The following MEDAG variants were observed in gnomAD, a reference collection of about 807,000 sequenced individuals.
MEDAG encodes mesenteric estrogen-dependent adipogenesis protein.
A neutral mutation model predicts 29.9 loss-of-function variants in MEDAG; 25 were observed. That is an observed-to-expected ratio of 0.84 (90% CI 0.61 to 1.17). The LOEUF is 1.17. MEDAG is among the 50% of genes most tolerant of loss of function. MEDAG has a pLI of 0.00. For missense variants in MEDAG, 398 were observed against 372.9 expected (o/e 1.07, Z -0.56); for synonymous variants, 158 against 148.2 (o/e 1.07, Z -0.48).
At chr13:30,914,946 A>C (rs1040288253) in intron 1 of MEDAG, among the ~76,000 whole-genome samples, 2 of 152,216 alleles carry the variant, frequency 1.3e-5, no homozygotes, top group African/African-American at 2.4e-5. Context: ...CTCCCCGAGG[A>C]ATGTAGTAAA....
rs778604067 is a variant in MEDAG at position 30,921,143 on chromosome 13, T to C, written c.501+17T>C. ...CGGCTTCAGGTAAGCCTAGCCTGTC[T>C]GAATCCAGGGCTGTCAACCACATGG... On this transcript the variant is annotated intron_variant, in intron 3 of 4. Coordinates refer to ENST00000380482, the MANE Select transcript of MEDAG (RefSeq NM_032849.4). 1 of 1,596,916 alleles carries C rather than the reference T, an allele frequency of 6.3e-7. No homozygotes were observed. Among genetic ancestry groups the C allele is most frequent in the Non-Finnish European group, 8.6e-7 (1 of 1,166,216 alleles).
intron 1 of MEDAG, among the ~76,000 whole-genome samples, chr13:30,908,239 C>G (rs953178599): frequency 7.2e-5 from 11 of 152,214 alleles, no homozygotes; most frequent in Non-Finnish European, 1.0e-4. Context: ...ATTCCCCTGA[C>G]AGCTTTGAAT....
At chr13:30,920,369 C>T (rs1952970717) in intron 2 of MEDAG, among the ~76,000 whole-genome samples, 1 of 151,990 alleles carries the variant, frequency 6.6e-6, no homozygotes, top group Non-Finnish European at 1.5e-5. Flanking sequence ...GCAGATTGCG[C>T]AAGTTCAGGA....
chr13:30,911,075 G>A (rs187597038), intron 1 of MEDAG, among the ~76,000 whole-genome samples: 38 of 152,310 alleles, frequency 2.5e-4, no homozygotes, highest in Admixed American at 4.6e-4. Context: ...TGCTCTTTGC[G>A]AGCTGAATGA....
chr13:30,917,047 T>C (rs113683746), intron 1 of MEDAG, among the ~76,000 whole-genome samples: 81 of 152,352 alleles, frequency 5.3e-4, no homozygotes, highest in African/African-American at 1.9e-3. Context: ...CAGCTAATTC[T>C]ACTATTATGT....
intron 1 of MEDAG, among the ~76,000 whole-genome samples, chr13:30,915,332 C>T (rs149917096): frequency 1.5e-4 from 23 of 152,214 alleles, no homozygotes; most frequent in African/African-American, 5.3e-4. Context: ...GGTGTTTGGC[C>T]GCTGAATAGA....
In MEDAG at chr13:30,924,593, T is replaced by C. The variant is rs888717668; in HGVS notation, c.*158T>C. On this transcript the variant is annotated 3_prime_UTR_variant, in exon 5 of 5. Coordinates refer to ENST00000380482, the MANE Select transcript of MEDAG (RefSeq NM_032849.4). ...GGAGGACTCCTCTCTTCTGCTTCTGTGGATGTGATGCCCTGGCAGGCCCAG... is the reference window on the plus strand; with the variant it reads ...GGAGGACTCCTCTCTTCTGCTTCTGCGGATGTGATGCCCTGGCAGGCCCAG... 1.5e-6 allele frequency: 1 copy of C among 679,688 alleles called. No homozygotes were observed. The highest frequency in any genetic ancestry group is 2.3e-6 in the Non-Finnish European group (1 of 428,806). The allele number at this position is 679,688 out of a possible 1,614,324, so 42.1% of individuals were successfully genotyped here.
intron 1 of MEDAG, among the ~76,000 whole-genome samples, chr13:30,908,119 G>A (rs1952847213): frequency 6.6e-6 from 1 of 152,238 alleles, no homozygotes; most frequent in African/African-American, 2.4e-5. Context: ...GACAGAACCA[G>A]TTCTCCTAAT....
At chr13:30,921,470 A>C in intron 3 of MEDAG, 91 bp from the exon 4 acceptor site, 1 of 1,141,304 alleles carries the variant, frequency 8.8e-7, no homozygotes. Flanking sequence ...AAGAGGTGTG[A>C]TGTTTTGGAT....
chr13:30,917,533 A>G, intron 2 of MEDAG, 21 bp downstream of exon 2: 7 of 1,241,382 alleles, frequency 5.6e-6, no homozygotes, highest in Non-Finnish European at 8.3e-6. Flanking sequence ...ATATTAGTCC[A>G]TTTTCACACT....
intron 1 of MEDAG, among the ~76,000 whole-genome samples, chr13:30,911,924 G>A (rs1003481048): frequency 1.3e-5 from 2 of 152,136 alleles, no homozygotes; most frequent in African/African-American, 4.8e-5. Flanking sequence ...CACACTTTGA[G>A]CAAGAAGGTT....
At chr13:30,918,451 C>T (rs980104453) in intron 2 of MEDAG, among the ~76,000 whole-genome samples, 1 of 152,112 alleles carries the variant, frequency 6.6e-6, no homozygotes, top group Non-Finnish European at 1.5e-5. Flanking sequence ...ATTGTGGATG[C>T]TTTTCTGTTT....
In MEDAG at chr13:30,924,519, C is replaced by T; in HGVS notation, c.*84C>T. 7.4e-7 allele frequency: 1 copy of T among 1,351,816 alleles called. No homozygotes were observed. The highest frequency in any genetic ancestry group is 1.0e-6 in the Non-Finnish European group (1 of 993,538). 83.7% of individuals were successfully genotyped at this position (1,351,816 alleles called of 1,614,324 possible). On this transcript the variant is annotated 3_prime_UTR_variant, in exon 5 of 5. Transcript: ENST00000380482. ...TGGGGGGAGGGTAGGAGGTGGGAGG[C>T]AGATACTTCCACCTGCGTGTCAATC...
chr13:30,912,531 A>C lies in MEDAG; in HGVS notation c.279-4872A>C, dbSNP rs538150042. 2.4e-3 allele frequency among the ~76,000 whole-genome samples: 331 copies of C among 138,452 alleles called. 2 individuals are homozygous for C. The highest frequency in any genetic ancestry group is 8.7e-3 in the African/African-American group (315 of 36,390). 90.8% of individuals were successfully genotyped at this position (138,452 alleles called of 152,430 possible). On this transcript the variant is annotated intron_variant, in intron 1 of 4. Coordinates refer to ENST00000380482, the MANE Select transcript of MEDAG (RefSeq NM_032849.4). ...AACACACACACACACACACACACAC[A>C]CCCCACCCTTTGATGGAGGCCATGA...
In MEDAG at chr13:30,925,568, C is replaced by T. The variant is rs997434138; in HGVS notation, c.*1133C>T. ...GAATTGATTAAATTTATGACTGAGGCTTCATGTGAGCTTTCCATTGTGGTT... is the reference window on the plus strand; with the variant it reads ...GAATTGATTAAATTTATGACTGAGGTTTCATGTGAGCTTTCCATTGTGGTT... On this transcript the variant is annotated 3_prime_UTR_variant, in exon 5 of 5. Transcript: ENST00000380482. The T allele has an allele frequency of 6.6e-6, 1 of 152,172 alleles. No individual in the cohort carries two copies. The highest frequency in any genetic ancestry group is 2.4e-5 in the African/African-American group (1 of 41,454). 9.4% of individuals were successfully genotyped at this position (152,172 alleles called of 1,614,324 possible). A position where few individuals can be genotyped will look rare whatever the true frequency, so the allele number is the denominator to read the frequency against.
chr13:30,906,458 G>A lies in MEDAG; in HGVS notation c.-58G>A, dbSNP rs1403292450. ...CCCCTCCTGGGGACCATCAGGTGCC[G>A]GCTGGGGGCTGTAGGCACCGGACGG... On this transcript the variant is annotated 5_prime_UTR_variant, in exon 1 of 5. Transcript: ENST00000380482. The A allele has an allele frequency of 2.1e-5, 29 of 1,400,534 alleles. No homozygotes were observed. The highest frequency in any genetic ancestry group is 2.0e-5 in the Non-Finnish European group (22 of 1,082,026). The allele number at this position is 1,400,534 out of a possible 1,614,324, so 86.8% of individuals were successfully genotyped here.
chr13:30,911,423 C>T (rs929608223), intron 1 of MEDAG, among the ~76,000 whole-genome samples: 4 of 152,110 alleles, frequency 2.6e-5, no homozygotes, highest in African/African-American at 4.8e-5. Context: ...CTACTCTCAG[C>T]CCCCCTGGTC....
Position 30,921,835 on chromosome 13 carries a change from T to A in MEDAG, c.776T>A (p.Val259Glu). ...RSSFSDRKFS[V>E]TSRGSIDDVF... ...AGTTTCTCTGACCGAAAGTTCAGTG[T>A]AACTTCCAGAGGTATGTTAAAAATT... The change falls in exon 4 of 5, where the codon GTA (valine) becomes GAA (glutamate). Residue 259 changes from valine to glutamate, a missense_variant. Coordinates refer to ENST00000380482, the MANE Select transcript of MEDAG (RefSeq NM_032849.4). 6.2e-7 allele frequency: 1 copy of A among 1,605,848 alleles called. No individual in the cohort carries two copies. Among genetic ancestry groups the A allele is most frequent in the Non-Finnish European group, 8.5e-7 (1 of 1,177,098 alleles).
At chr13:30,910,243 T>G (rs1352626796) in intron 1 of MEDAG, among the ~76,000 whole-genome samples, 1 of 151,486 alleles carries the variant, frequency 6.6e-6, no homozygotes, top group African/African-American at 2.4e-5. Flanking sequence ...AAGCAGCCTC[T>G]TGGTGAAATA....
Sources: gnomAD v4.1 joint callset for allele counts (sites outside exome capture counted in the v4.1 genomes callset) on GRCh38, gnomAD v4.1.1 for gene constraint, MANE v1.5 for transcripts, NCBI Gene and HGNC (gene_info 2026-07-23, HGNC 2026-07-21) for gene names.